Variants in FANCM observed in about 807,000 individuals in gnomAD.
FANCM encodes Fanconi anemia group M protein.
FANCM carries 140 observed loss-of-function variants against 199.5 expected under a neutral mutation model. The observed-to-expected ratio is 0.70, with a 90% CI of 0.61 to 0.81. The LOEUF (loss-of-function observed/expected upper bound fraction) is 0.81. Ranked by LOEUF, FANCM falls within the 30% of genes least tolerant of loss-of-function variation. FANCM has a pLI of 0.00. For synonymous variants in FANCM, 840 were observed against 836.8 expected (o/e 1.00, Z -0.07); for missense variants, 2,410 against 2,421.4 (o/e 1.00, Z 0.10).
chr14:45,183,517 AAAAACT>A (rs1461802369), intron 16 of FANCM, among the ~76,000 whole-genome samples: 6 of 152,200 alleles, frequency 3.9e-5, no homozygotes, highest in Non-Finnish European at 7.4e-5. Context: ...AAATAAAAAT[AAAAACT>A]AAAAGTATGT....
At chr14:45,194,501 T>C (rs1889951768) in intron 20 of FANCM, among the ~76,000 whole-genome samples, 1 of 152,204 alleles carries the variant, frequency 6.6e-6, no homozygotes, top group Admixed American at 6.5e-5. Context: ...ATACATACTT[T>C]ATCCCATCTT....
intron 12 of FANCM, among the ~76,000 whole-genome samples, chr14:45,172,012 C>G (rs931715103): frequency 2.0e-5 from 3 of 152,022 alleles, no homozygotes; most frequent in Non-Finnish European, 4.4e-5. Context: ...CACATCCACT[C>G]CAACATCTAT....
Position 45,136,188 on chromosome 14 carries a change from G to A in FANCM, c.157G>A (p.Asp53Asn), listed in dbSNP as rs777713763. 6.2e-7 allele frequency: 1 copy of A among 1,614,210 alleles called. No homozygotes were observed. Among genetic ancestry groups the A allele is most frequent in the Non-Finnish European group, 8.5e-7 (1 of 1,180,046 alleles). The change falls in exon 1 of 23, where the codon GAC becomes AAC. Residue 53 changes from aspartate to asparagine, a missense_variant. Physicochemically the swap from Asp to Asn is conservative, Grantham distance 23 (BLOSUM62 1). Coordinates refer to ENST00000267430, the MANE Select transcript of FANCM (RefSeq NM_020937.4). Reference sequence around the variant, plus strand: ...AGCAGCGGAGGCTCAGCTGGAGTCGGACGATGATGTGTTGCTTGTCGCGGC... The same window carrying A: ...AGCAGCGGAGGCTCAGCTGGAGTCGAACGATGATGTGTTGCTTGTCGCGGC... ...PAAAEAQLESDDDVLLVAAYE... is the reference protein window; with the variant it reads ...PAAAEAQLESNDDVLLVAAYE...
intron 13 of FANCM, among the ~76,000 whole-genome samples, 154 bp from the exon 14 acceptor site, chr14:45,174,917 T>C (rs1246891149): frequency 6.6e-6 from 1 of 152,136 alleles, no homozygotes; most frequent in Non-Finnish European, 1.5e-5. Context: ...TTTATAATTT[T>C]GATTTATCGG....
intron 4 of FANCM, among the ~76,000 whole-genome samples, chr14:45,150,508 G>A (rs958743200): frequency 2.6e-5 from 4 of 152,126 alleles, no homozygotes; most frequent in Admixed American, 6.5e-5. Context: ...TACATACTGC[G>A]GTAGTAGGTC....
chr14:45,150,259 G>C (rs1886720743), intron 4 of FANCM, among the ~76,000 whole-genome samples: 1 of 152,058 alleles, frequency 6.6e-6, no homozygotes. Context: ...TTAAGATATG[G>C]CAAAGTCTTT....
intron 13 of FANCM, 120 bp from the exon 14 acceptor site, chr14:45,174,951 A>G: frequency 1.6e-6 from 1 of 624,594 alleles, no homozygotes; most frequent in Non-Finnish European, 2.8e-6. Flanking sequence ...GTATAAAAGA[A>G]TATCACTGGA....
In FANCM at chr14:45,136,427, C is replaced by G. The variant is rs2139103268; in HGVS notation, c.396C>G (p.Phe132Leu). ...AVVMYNFYRW[F>L]PSGKVVFMAP... Reference sequence around the variant, plus strand: ...TCATGTACAATTTCTACCGCTGGTTCCCTTCAGGAAAGGTGGTCTTCATGG... The same window carrying G: ...TCATGTACAATTTCTACCGCTGGTTGCCTTCAGGAAAGGTGGTCTTCATGG... The change falls in exon 1 of 23, where the codon TTC becomes TTG. Residue 132 changes from phenylalanine to leucine, a missense_variant. Transcript: ENST00000267430. The G allele has an allele frequency of 1.2e-6, 2 of 1,614,194 alleles. No individual in the cohort carries two copies. The highest frequency in any genetic ancestry group is 1.7e-6 in the Non-Finnish European group (2 of 1,180,044).
At chr14:45,173,304 T>A in intron 13 of FANCM, 94 bp downstream of exon 13, 4 of 1,161,070 alleles carry the variant, frequency 3.4e-6, no homozygotes, top group Non-Finnish European at 5.2e-6. Flanking sequence ...TAAGAAATAC[T>A]TTGTTTTTCT....
Position 45,136,517 on chromosome 14 carries a change from A to G in FANCM, c.486A>G (p.Gln162=). ...EACYQVMGIP[Q]SHMAEMTGST... is the part of the protein sequence containing the mutation. ...GCTACCAGGTGATGGGTATCCCGCA[A>G]TCCCACATGGCCGAAATGACAGGTA... The change falls in exon 1 of 23, where the codon CAA becomes CAG. Residue 162 remains glutamine (Q), a synonymous_variant. Transcript: ENST00000267430. 1 of 1,614,038 alleles carries G rather than the reference A, an allele frequency of 6.2e-7. No individual in the cohort carries two copies. Among genetic ancestry groups the G allele is most frequent in the South Asian group, 1.1e-5 (1 of 91,092 alleles).
At chr14:45,182,418 A>C (rs1225859990) in intron 16 of FANCM, among the ~76,000 whole-genome samples, 2 of 152,216 alleles carry the variant, frequency 1.3e-5, no homozygotes, top group Non-Finnish European at 2.9e-5. Context: ...TGAAAGAAGG[A>C]AAGGAAGGAG....
intron 10 of FANCM, 103 bp downstream of exon 10, chr14:45,164,668 G>A: frequency 2.2e-6 from 2 of 920,612 alleles, no homozygotes; most frequent in South Asian, 1.5e-5. Flanking sequence ...ACACTCTGTA[G>A]ATAGTTTTGG....
rs61730251 is a variant in FANCM at position 45,176,674 on chromosome 14, A to G, written c.3920A>G (p.Tyr1307Cys). Residue 1307 changes from tyrosine (Y) to cysteine (C), a missense_variant, in exon 14 of 23, where the codon TAT (tyrosine) becomes TGT (cysteine). Physicochemically the swap from Tyr to Cys is radical, Grantham distance 194. Coordinates refer to ENST00000267430, the MANE Select transcript of FANCM (RefSeq NM_020937.4). Reference sequence around the variant, plus strand: ...AATGAAGATATGCAGAATCCAAATTATGTACATTTGCCACTGAGTGCAGCA... The same window carrying G: ...AATGAAGATATGCAGAATCCAAATTGTGTACATTTGCCACTGAGTGCAGCA... ...PSNEDMQNPN[Y>C]VHLPLSAAKN... 8.4e-4 allele frequency: 1,351 copies of G among 1,613,804 alleles called. 12 individuals carry two copies. The African/African-American group carries it at 0.016, about 19-fold the overall frequency.
intron 10 of FANCM, among the ~76,000 whole-genome samples, chr14:45,166,145 C>CA (rs913327657): frequency 2.7e-5 from 4 of 147,750 alleles, no homozygotes; most frequent in South Asian, 2.2e-4. Context: ...AAAAAAAAAA[C>CA]AAAAAAAACG....
chr14:45,178,915 T>C (rs950418228), intron 14 of FANCM, among the ~76,000 whole-genome samples: 1 of 152,204 alleles, frequency 6.6e-6, no homozygotes, highest in African/African-American at 2.4e-5. Flanking sequence ...AAAACCTTAA[T>C]GGGCCTGGCG....
rs2139247556 is a variant in FANCM at position 45,176,075 on chromosome 14, A to G, written c.3321A>G (p.Ala1107=). Residue 1107 remains alanine, a synonymous_variant, in exon 14 of 23, where the codon GCA becomes GCG. Transcript: ENST00000267430. ...NNRVQIHRSP[A]QNLVGENNHD... is the part of the protein sequence containing the mutation. ...GTGTTCAAATACACAGAAGCCCTGC[A>G]CAGAATTTAGTTGGAGAGAACAATC... 5 of 1,614,116 alleles carry G rather than the reference A, an allele frequency of 3.1e-6. No individual in the cohort carries two copies. Among genetic ancestry groups the G allele is most frequent in the Non-Finnish European group, 4.2e-6 (5 of 1,179,978 alleles).
At chr14:45,179,457 T>A (rs1888921670) in intron 14 of FANCM, among the ~76,000 whole-genome samples, 1 of 152,118 alleles carries the variant, frequency 6.6e-6, no homozygotes, top group South Asian at 2.1e-4. Flanking sequence ...TTGTCCTTAA[T>A]GTCTTTCTTT....
At chr14:45,147,780 C>G (rs1334692152) in intron 3 of FANCM, among the ~76,000 whole-genome samples, 2 of 151,856 alleles carry the variant, frequency 1.3e-5, no homozygotes, top group Admixed American at 6.6e-5. Context: ...GTAGTCCCAG[C>G]TATTCAAGAG....
In FANCM at chr14:45,198,874, A is replaced by G; in HGVS notation, c.5947A>G (p.Ser1983Gly). The G allele has an allele frequency of 6.2e-7, 1 of 1,611,852 alleles. No homozygotes were observed. The highest frequency in any genetic ancestry group is 1.3e-5 in the African/African-American group (1 of 74,998). The change falls in exon 22 of 23, where the codon AGT becomes GGT. Residue 1983 changes from serine to glycine, a missense_variant. Transcript: ENST00000267430. ...GTTTTATTTAAGTATTCCCAATATAAGTTATATAACTGCATTAAATATGTG... is the reference window on the plus strand; with the variant it reads ...GTTTTATTTAAGTATTCCCAATATAGGTTATATAACTGCATTAAATATGTG... ...LQFYLSIPNI[S>G]YITALNMCHQ...
Sources: allele counts gnomAD v4.1 joint callset (sites outside exome capture counted in the v4.1 genomes callset), GRCh38; gene constraint gnomAD v4.1.1; transcripts MANE v1.5; gene names NCBI Gene and HGNC (gene_info 2026-07-23, HGNC 2026-07-21).